The following CDH7 variants were observed in gnomAD, a reference collection of about 807,000 sequenced individuals.
The protein encoded by CDH7 is cadherin 7.
In CDH7, 25 loss-of-function variants were observed where a neutral mutation model predicts 71.8. The ratio of observed to expected loss-of-function variants is 0.35; its 90% CI spans 0.25 to 0.49. The LOEUF (loss-of-function observed/expected upper bound fraction) is 0.49, where lower values mean the gene tolerates loss of function less well. CDH7 is among the 20% of genes least tolerant of loss of function. The probability of loss-of-function intolerance (pLI) is 0.99; values close to 1 mark genes in which losing one functional copy is unlikely to be tolerated. For synonymous variants in CDH7, 381 were observed against 363.8 expected (o/e 1.05, Z -0.54); for missense variants, 862 against 974.6 (o/e 0.88, Z 1.54).
At chr18:65,798,359 C>A (rs1910992714) in intron 2 of CDH7, among the ~76,000 whole-genome samples, 1 of 152,242 alleles carries the variant, frequency 6.6e-6, no homozygotes. Flanking sequence ...AAGTACACAT[C>A]TCTCAACAAA....
chr18:65,818,755 A>G (rs1200320510), intron 4 of CDH7, among the ~76,000 whole-genome samples: 2 of 152,212 alleles, frequency 1.3e-5, no homozygotes, highest in Non-Finnish European at 2.9e-5. Flanking sequence ...TAAAGGAGTT[A>G]CCAAGAGAGC....
chr18:65,777,193 T>C (rs1008446065), intron 2 of CDH7, among the ~76,000 whole-genome samples: 1 of 151,516 alleles, frequency 6.6e-6, no homozygotes, highest in Admixed American at 6.6e-5. Flanking sequence ...AAAGTAATTA[T>C]CCACAGGGGC....
Position 65,824,629 on chromosome 18 carries a change from C to T in CDH7, c.794-15C>T. On this transcript the variant is annotated splice_polypyrimidine_tract_variant and intron_variant, in intron 5 of 11. Coordinates refer to ENST00000397968, the MANE Select transcript of CDH7 (RefSeq NM_004361.5). ...TTTGGTGTAACGTGTTCATTTCTTG[C>T]TTTGAATTTCACAGGGTCTTATCAA... is the stretch of plus-strand genomic sequence containing the variant. 2.0e-6 allele frequency: 3 copies of T among 1,496,036 alleles called. No homozygotes were observed. 92.7% of individuals were successfully genotyped at this position (1,496,036 alleles called of 1,614,324 possible). A position where few individuals can be genotyped will look rare whatever the true frequency, so the allele number is the denominator to read the frequency against.
At chr18:65,785,860 A>G (rs184221682) in intron 2 of CDH7, among the ~76,000 whole-genome samples, 1 of 152,230 alleles carries the variant, frequency 6.6e-6, no homozygotes, top group Non-Finnish European at 1.5e-5. Context: ...ACTTTTCAAC[A>G]TAAGAAATAT....
At chr18:65,785,409 G>A (rs1910478125) in intron 2 of CDH7, among the ~76,000 whole-genome samples, 1 of 152,026 alleles carries the variant, frequency 6.6e-6, no homozygotes, top group Non-Finnish European at 1.5e-5. Flanking sequence ...TCTGGTTAAA[G>A]TTGTAGCATG....
At chr18:65,874,719 A>G (rs1914024416) in intron 11 of CDH7, among the ~76,000 whole-genome samples, 1 of 151,648 alleles carries the variant, frequency 6.6e-6, no homozygotes, top group African/African-American at 2.4e-5. Context: ...ATACTTATAT[A>G]TGCATATATA....
intron 11 of CDH7, 192 bp downstream of exon 11, chr18:65,863,109 C>A: frequency 1.6e-6 from 1 of 624,638 alleles, no homozygotes; most frequent in Non-Finnish European, 2.8e-6. Context: ...ATGATCTGGG[C>A]TCACTGCAGC....
chr18:65,774,718 T>C lies in CDH7; in HGVS notation c.210+11666T>C, dbSNP rs137990170. ...GATAGTCTAGTCCAGTGGAAAGATG[T>C]GGGGCCTGGGAGAAAGAGAGGTCTG... On this transcript the variant is annotated intron_variant, in intron 2 of 11. Coordinates refer to ENST00000397968, the MANE Select transcript of CDH7 (RefSeq NM_004361.5). 8.6e-3 allele frequency among the ~76,000 whole-genome samples: 1,314 copies of C among 152,112 alleles called. 14 individuals carry two copies. Among genetic ancestry groups the C allele is most frequent in the African/African-American group, 0.029 (1,215 of 41,484 alleles).
chr18:65,867,239 GT>G (rs1193200802), intron 11 of CDH7, among the ~76,000 whole-genome samples: 3 of 151,978 alleles, frequency 2.0e-5, no homozygotes, highest in Non-Finnish European at 4.4e-5. Flanking sequence ...GTTTCACTGT[GT>G]TAGCCAGGAT....
In CDH7 at chr18:65,857,820, T is replaced by G; in HGVS notation, c.1240T>G (p.Ser414Ala). 1 of 1,612,348 alleles carries G rather than the reference T, an allele frequency of 6.2e-7. No individual in the cohort carries two copies. Among genetic ancestry groups the G allele is most frequent in the African/African-American group, 1.3e-5 (1 of 74,986 alleles). Residue 414 changes from serine to alanine, a missense_variant, in exon 8 of 12, where the codon TCA becomes GCA. By Grantham distance (99) the Ser-to-Ala change is moderately conservative. Transcript: ENST00000397968. Reference sequence around the variant, plus strand: ...TTTTCTTCAATGTTCAATTAGGTACTCAATTGACAGAAACACAGACTTGGA... The same window carrying G: ...TTTTCTTCAATGTTCAATTAGGTACGCAATTGACAGAAACACAGACTTGGA... ...PDSSNSPVRYSIDRNTDLERY... is the reference protein window; with the variant it reads ...PDSSNSPVRYAIDRNTDLERY...
At chr18:65,874,989 G>A (rs1177848540) in intron 11 of CDH7, among the ~76,000 whole-genome samples, 2 of 152,100 alleles carry the variant, frequency 1.3e-5, no homozygotes, top group South Asian at 2.1e-4. Context: ...CCTGAGGCCC[G>A]CGGGCCACAT....
intron 2 of CDH7, among the ~76,000 whole-genome samples, chr18:65,767,738 C>T (rs972972571): frequency 1.3e-5 from 2 of 152,154 alleles, no homozygotes; most frequent in African/African-American, 2.4e-5. Flanking sequence ...AATTTGGACA[C>T]GGATCAGCTC....
At chr18:65,757,769 C>T (rs1916071604) in intron 1 of CDH7, among the ~76,000 whole-genome samples, 1 of 143,674 alleles carries the variant, frequency 7.0e-6, no homozygotes, top group Non-Finnish European at 1.5e-5. Context: ...ATTCCTTCAA[C>T]TGTATATCCA....
chr18:65,789,557 C>G (rs540492952), intron 2 of CDH7, among the ~76,000 whole-genome samples: 254 of 151,894 alleles, frequency 1.7e-3, no homozygotes, highest in African/African-American at 5.9e-3. Context: ...CTGTTACAGT[C>G]AAAGTCTGTA....
intron 2 of CDH7, among the ~76,000 whole-genome samples, chr18:65,807,849 G>C (rs535457413): frequency 6.6e-6 from 1 of 151,828 alleles, no homozygotes; most frequent in Non-Finnish European, 1.5e-5. Context: ...TTGAAGATTT[G>C]GGGGGGTGAT....
intron 7 of CDH7, among the ~76,000 whole-genome samples, chr18:65,856,568 C>A (rs1913363990): frequency 6.6e-6 from 1 of 151,966 alleles, no homozygotes; most frequent in Admixed American, 6.6e-5. Flanking sequence ...TCATAAGAAT[C>A]CATGACGCCT....
At chr18:65,861,261 T>G (rs1913553647) in intron 10 of CDH7, among the ~76,000 whole-genome samples, 1 of 152,112 alleles carries the variant, frequency 6.6e-6, no homozygotes, top group Admixed American at 6.6e-5. Flanking sequence ...ATATGATCAC[T>G]TTTCTGAATA....
intron 2 of CDH7, among the ~76,000 whole-genome samples, chr18:65,773,970 T>C (rs1251221407): frequency 6.6e-6 from 1 of 152,140 alleles, no homozygotes; most frequent in African/African-American, 2.4e-5. Context: ...ATGAAATAAT[T>C]ATTGCTCCCA....
intron 2 of CDH7, among the ~76,000 whole-genome samples, chr18:65,772,405 G>A (rs1227312881): frequency 3.3e-5 from 5 of 152,080 alleles, no homozygotes; most frequent in Non-Finnish European, 7.4e-5. Flanking sequence ...TATCCCTGAC[G>A]CAGTTTACAT....
Sources: gnomAD v4.1 joint callset for allele counts (sites outside exome capture counted in the v4.1 genomes callset) on GRCh38, gnomAD v4.1.1 for gene constraint, MANE v1.5 for transcripts, NCBI Gene and HGNC (gene_info 2026-07-23, HGNC 2026-07-21) for gene names.